PDE4B: variants seen among roughly 807,000 people sequenced by gnomAD.
PDE4B encodes 3',5'-cyclic-AMP phosphodiesterase 4B.
In PDE4B, 20 loss-of-function variants were observed where a neutral mutation model predicts 82.2. The observed-to-expected ratio is 0.24, with a 90% confidence interval of 0.17 to 0.35. PDE4B has a LOEUF of 0.35. PDE4B is among the 10% of genes least tolerant of loss of function. PDE4B has a pLI of 1.00. For missense variants in PDE4B, 655 were observed against 907.2 expected, an observed-to-expected ratio of 0.72 and a Z score of 3.57; for synonymous variants, 320 against 318.9, an observed-to-expected ratio of 1.00 and a Z score of -0.04.
intron 3 of PDE4B, among the ~76,000 whole-genome samples, chr1:66,229,397 G>A (rs1231464862): frequency 6.6e-6 from 1 of 152,184 alleles, no homozygotes; most frequent in African/African-American, 2.4e-5. Flanking sequence ...TAAAGATTGT[G>A]TGAGCCTTTA....
intron 7 of PDE4B, among the ~76,000 whole-genome samples, chr1:66,297,820 A>T (rs1657616586): frequency 6.6e-6 from 1 of 152,124 alleles, no homozygotes. Flanking sequence ...ATTAGGAGTA[A>T]TCATTAGAAT....
intron 3 of PDE4B, among the ~76,000 whole-genome samples, chr1:66,185,171 C>T (rs1266931013): frequency 6.6e-6 from 1 of 152,188 alleles, no homozygotes; most frequent in African/African-American, 2.4e-5. Flanking sequence ...GACATGAACT[C>T]ATCGTTTTTT....
At chr1:65,820,965 G>T (rs557540018) in intron 1 of PDE4B, among the ~76,000 whole-genome samples, 9 of 152,238 alleles carry the variant, frequency 5.9e-5, no homozygotes, top group South Asian at 4.2e-4. Context: ...CTGCATGGTG[G>T]GCCCCAGCCC....
chr1:66,090,809 AC>A (rs1280855494), intron 3 of PDE4B, among the ~76,000 whole-genome samples: 1 of 151,548 alleles, frequency 6.6e-6, no homozygotes, highest in African/African-American at 2.4e-5. Flanking sequence ...TAATTAAAAA[AC>A]ATCTTAACAT....
chr1:66,138,878 TACTA>T (rs1418550784), intron 3 of PDE4B, among the ~76,000 whole-genome samples: 1 of 152,220 alleles, frequency 6.6e-6, no homozygotes, highest in Non-Finnish European at 1.5e-5. Flanking sequence ...GGATAGGTTC[TACTA>T]ACACTGAACT....
At chr1:65,973,582 T>C (rs1388178680) in intron 3 of PDE4B, among the ~76,000 whole-genome samples, 1 of 152,208 alleles carries the variant, frequency 6.6e-6, no homozygotes, top group East Asian at 1.9e-4. Flanking sequence ...CTTTTGCTAC[T>C]AATTTATGTT....
At chr1:65,861,826 C>T (rs1646457886) in intron 1 of PDE4B, among the ~76,000 whole-genome samples, 1 of 152,070 alleles carries the variant, frequency 6.6e-6, no homozygotes, top group South Asian at 2.1e-4. Context: ...AATGGGAGTT[C>T]ACTCATGATT....
intron 3 of PDE4B, among the ~76,000 whole-genome samples, chr1:66,223,683 C>G (rs1651189085): frequency 6.6e-6 from 1 of 151,576 alleles, no homozygotes; most frequent in Non-Finnish European, 1.5e-5. Flanking sequence ...TTTTTTCATT[C>G]CCCCCCAGCC....
At chr1:66,085,043 A>G (rs1656935766) in intron 3 of PDE4B, among the ~76,000 whole-genome samples, 1 of 152,106 alleles carries the variant, frequency 6.6e-6, no homozygotes, top group African/African-American at 2.4e-5. Flanking sequence ...ATTAGTAAGG[A>G]TGGGGCTGGA....
chr1:66,308,232 C>A (rs1032399558), intron 7 of PDE4B, among the ~76,000 whole-genome samples: 4 of 152,044 alleles, frequency 2.6e-5, no homozygotes, highest in African/African-American at 7.2e-5. Context: ...GGAACACTTC[C>A]TAATGATAAG....
intron 3 of PDE4B, among the ~76,000 whole-genome samples, chr1:66,119,008 T>C (rs1358647911): frequency 6.6e-6 from 1 of 152,204 alleles, no homozygotes. Flanking sequence ...TGTATACTGT[T>C]CTTCAATTTC....
intron 3 of PDE4B, among the ~76,000 whole-genome samples, chr1:65,967,597 T>C (rs933096247): frequency 1.3e-5 from 2 of 152,140 alleles, no homozygotes; most frequent in Non-Finnish European, 2.9e-5. Context: ...CTGTTCACAA[T>C]AGCAAAGACT....
chr1:65,825,740 A>ATCTG (rs1646009300), intron 1 of PDE4B, among the ~76,000 whole-genome samples: 17 of 151,694 alleles, frequency 1.1e-4, no homozygotes, highest in Admixed American at 7.9e-4. Flanking sequence ...CTATCTATCT[A>ATCTG]TCTATCTATC....
chr1:66,199,184 A>C (rs1648635954), intron 3 of PDE4B, among the ~76,000 whole-genome samples: 1 of 151,852 alleles, frequency 6.6e-6, no homozygotes, highest in Admixed American at 6.6e-5. Context: ...AGGAATCGCC[A>C]CACTGACTGC....
rs562336742 is a variant in PDE4B at position 66,282,957 on chromosome 1, A to G, written c.634+16870A>G. 5.4e-4 allele frequency among the ~76,000 whole-genome samples: 82 copies of G among 152,258 alleles called. 2 individuals are homozygous for G. In the South Asian group the frequency reaches 0.016, roughly 30 times the overall value. On this transcript the variant is annotated intron_variant, in intron 7 of 16. Transcript: ENST00000341517. ...CTCTCCTACCCTGACAAGAGGCCAT[A>G]CTATTGTTTCATAACAAAGTGTATC...
At chr1:65,884,820 A>G (rs999427653) in intron 1 of PDE4B, among the ~76,000 whole-genome samples, 20 of 152,218 alleles carry the variant, frequency 1.3e-4, no homozygotes, top group Admixed American at 9.8e-4. Context: ...CATGTCTAAA[A>G]CACCAAAAGC....
At chr1:65,972,634 GT>G (rs1206245200) in intron 3 of PDE4B, among the ~76,000 whole-genome samples, 2 of 152,280 alleles carry the variant, frequency 1.3e-5, no homozygotes, top group Non-Finnish European at 2.9e-5. Context: ...ATCTGAAGGT[GT>G]ATGCTGTTTA....
At chr1:66,278,403 G>A (rs780749026) in intron 7 of PDE4B, among the ~76,000 whole-genome samples, 7 of 152,190 alleles carry the variant, frequency 4.6e-5, no homozygotes, top group Non-Finnish European at 1.0e-4. Flanking sequence ...AATCTGGACT[G>A]CCATCTGCAC....
intron 3 of PDE4B, among the ~76,000 whole-genome samples, chr1:66,166,294 A>G (rs751401874): frequency 6.6e-6 from 1 of 152,256 alleles, no homozygotes; most frequent in Non-Finnish European, 1.5e-5. Flanking sequence ...CAATCTAATA[A>G]GAAAACACAG....
Sources: gnomAD v4.1 joint callset for allele counts (sites outside exome capture counted in the v4.1 genomes callset) on GRCh38, gnomAD v4.1.1 for gene constraint, MANE v1.5 for transcripts, NCBI Gene and HGNC (gene_info 2026-07-23, HGNC 2026-07-21) for gene names.